Variants in PPT2 observed in about 807,000 individuals in gnomAD.
PPT2 encodes lysosomal thioesterase PPT2.
PPT2 carries 20 observed loss-of-function variants against 37.3 expected under a neutral mutation model. The observed-to-expected ratio is 0.54, with a 90% CI of 0.38 to 0.78. The LOEUF is 0.78. Ranked by LOEUF, PPT2 falls within the 30% of genes least tolerant of loss-of-function variation. The pLI, the probability that PPT2 is intolerant of heterozygous loss-of-function variation, is 0.00. For synonymous variants in PPT2, 135 were observed against 159.1 expected (o/e 0.85, Z 1.14); for missense variants, 270 against 389.8 (o/e 0.69, Z 2.59).
At position 32,154,408 on chromosome 6, in the gene PPT2, C is replaced by G; in HGVS notation, c.-9+4C>G. The G allele has an allele frequency of 6.9e-7, 1 of 1,449,602 alleles. No individual in the cohort carries two copies. The highest frequency in any genetic ancestry group is 9.0e-7 in the Non-Finnish European group (1 of 1,107,650). The allele number at this position is 1,449,602 out of a possible 1,614,324, so 89.8% of individuals were successfully genotyped here. A position where few individuals can be genotyped will look rare whatever the true frequency, so the allele number is the denominator to read the frequency against. ...GCGGGACTTCGGGTGCGCGTTGGTG[C>G]GTCAACGTGGTGGGGGGGTGTGTTT... On this transcript the variant is annotated splice_donor_region_variant and intron_variant, in intron 1 of 8. Transcript: ENST00000324816. This position sits in a 1 kb window ranked among gnomAD's most constrained non-coding sequence, Gnocchi z 7.3.
rs1367906105 is a variant in PPT2 at position 32,155,949 on chromosome 6, A to G, written c.512A>G (p.Gln171Arg). The change falls in exon 5 of 9, where the codon CAG (glutamine) becomes CGG (arginine). Residue 171 changes from glutamine (Q) to arginine (R), a missense_variant. Coordinates refer to ENST00000324816, the MANE Select transcript of PPT2 (RefSeq NM_005155.7). The surrounding 1 kb of genome is among the most constrained non-coding windows in gnomAD (Gnocchi z 4.3). The part of the protein sequence containing the change: ...LYRICYSPWG[Q>R]EFSICNYWHD... ...CGGATCTGCTATAGCCCCTGGGGCC[A>G]GGAATTCTCCATCTGCAACTACTGG... 1 of 1,613,992 alleles carries G rather than the reference A, an allele frequency of 6.2e-7. No homozygotes were observed. Among genetic ancestry groups the G allele is most frequent in the Non-Finnish European group, 8.5e-7 (1 of 1,179,910 alleles).
chr6:32,153,612 TACACGCAC>T, upstream of PPT2: 1 of 1,355,492 alleles, frequency 7.4e-7, no homozygotes, highest in Non-Finnish European at 9.8e-7. The surrounding 1 kb of genome is among the most constrained non-coding windows in gnomAD (Gnocchi z 4.4). Flanking sequence ...ACAAGGGCAC[TACACGCAC>T]TTCAGAATGA....
At chr6:32,153,990 C>T (rs1783536867), upstream of PPT2, 2 of 1,283,700 alleles carry the variant, frequency 1.6e-6, no homozygotes, top group Middle Eastern at 3.0e-4. The surrounding 1 kb of genome is among the most constrained non-coding windows in gnomAD (Gnocchi z 4.4). Context: ...CCGCCTGTTT[C>T]CTCCCCAGCA....
Position 32,154,599 on chromosome 6 carries a change from T to G in PPT2, c.5T>G (p.Leu2Arg), listed in dbSNP as rs1330851503. M[L>R]GLCGQRLPAA... The stretch of plus-strand genomic sequence containing the variant: ...ACCCCTTTCTCAGGCGGGAGCATGC[T>G]GGGGCTCTGCGGGCAGCGGCTCCCC... The change falls in exon 2 of 9, where the codon CTG becomes CGG. Residue 2 changes from leucine to arginine, a missense_variant. Physicochemically the swap from Leu to Arg is moderately radical, Grantham distance 102. Coordinates refer to ENST00000324816, the MANE Select transcript of PPT2 (RefSeq NM_005155.7). The surrounding 1 kb of genome is among the most constrained non-coding windows in gnomAD (Gnocchi z 7.3). 1.2e-6 allele frequency: 2 copies of G among 1,610,770 alleles called. No homozygotes were observed. Among genetic ancestry groups the G allele is most frequent in the South Asian group, 2.2e-5 (2 of 90,896 alleles).
intron 7 of PPT2, among the ~76,000 whole-genome samples, chr6:32,160,420 C>T (rs917532621): frequency 3.3e-5 from 5 of 151,428 alleles, no homozygotes; most frequent in Non-Finnish European, 7.4e-5. Flanking sequence ...CCTATAATCC[C>T]AGCACTTTGG....
At position 32,154,531 on chromosome 6, in the gene PPT2, C is replaced by T; in HGVS notation, c.-8-56C>T. On this transcript the variant is annotated intron_variant, in intron 1 of 8. Transcript: ENST00000324816. The surrounding 1 kb of genome is among the most constrained non-coding windows in gnomAD (Gnocchi z 7.3). ...GTGGCTTGATTGCCGGGCGTCTGTT[C>T]CGAGGGAGGAGGGTGTTGCCATCTC... 1 of 1,547,632 alleles carries T rather than the reference C, an allele frequency of 6.5e-7. No homozygotes were observed. The highest frequency in any genetic ancestry group is 8.8e-7 in the Non-Finnish European group (1 of 1,142,176).
chr6:32,153,837 C>A, upstream of PPT2: 2 of 1,048,306 alleles, frequency 1.9e-6, no homozygotes, highest in South Asian at 1.7e-5. The surrounding 1 kb of genome is among the most constrained non-coding windows in gnomAD (Gnocchi z 4.4). Context: ...AGCCAGACGC[C>A]TGTATTGGGA....
Position 32,154,624 on chromosome 6 carries a change from CG to C in PPT2, c.31del (p.Ala11ArgfsTer58). On this transcript the variant is annotated frameshift_variant, in exon 2 of 9. Coordinates refer to ENST00000324816, the MANE Select transcript of PPT2 (RefSeq NM_005155.7). LOFTEE classifies it high-confidence loss of function. This position sits in a 1 kb window ranked among gnomAD's most constrained non-coding sequence, Gnocchi z 7.3. ...TGGGGCTCTGCGGGCAGCGGCTCCC[CG>C]CGGCGTGGGTCCTGCTTCTGTTGCC... Reference protein sequence around the residue: MLGLCGQRLPAAWVLLLLPFL... With the variant: MLGLCGQRLPXAWVLLLLPFL... 6.2e-7 allele frequency: 1 copy of C among 1,611,996 alleles called. No individual in the cohort carries two copies.
chr6:32,159,472 A>ATATATATATATATATATATATC (rs1465188963), intron 7 of PPT2, among the ~76,000 whole-genome samples: 8 of 127,528 alleles, frequency 6.3e-5, no homozygotes, highest in Non-Finnish European at 1.1e-4. Context: ...ATATATATAT[A>ATATATATATATATATATATATC]TCCTCATCCC....
intron 5 of PPT2, chr6:32,157,163 G>A (rs1242518347): frequency 1.9e-5 from 3 of 158,058 alleles, no homozygotes; most frequent in East Asian, 1.8e-4. Flanking sequence ...CCTGGGTGAC[G>A]GAGTGAGATT....
chr6:32,161,342 G>C (rs1784141579), intron 7 of PPT2, among the ~76,000 whole-genome samples: 1 of 152,132 alleles, frequency 6.6e-6, no homozygotes, highest in Admixed American at 6.5e-5. Flanking sequence ...CCAGGCTGGA[G>C]TGCAATGGCA....
At chr6:32,157,800 C>A (rs1397606867) in intron 6 of PPT2, 40 bp from the exon 7 acceptor site, 1 of 1,591,248 alleles carries the variant, frequency 6.3e-7, no homozygotes, top group Non-Finnish European at 8.6e-7. Context: ...CTGGCCTGAC[C>A]CCTGTGGCTG....
Position 32,155,792 on chromosome 6 carries a change from G to A in PPT2, c.433+9G>A. ...GATGGGACAGTATGGAGGTGAGTGG[G>A]CACTAGACTCCATAGAATGCCCTGA... On this transcript the variant is annotated intron_variant, in intron 4 of 8. Coordinates refer to ENST00000324816, the MANE Select transcript of PPT2 (RefSeq NM_005155.7). The surrounding 1 kb of genome is among the most constrained non-coding windows in gnomAD (Gnocchi z 4.3). 1 of 1,611,592 alleles carries A rather than the reference G, an allele frequency of 6.2e-7. No homozygotes were observed. The highest frequency in any genetic ancestry group is 8.5e-7 in the Non-Finnish European group (1 of 1,177,728).
rs1783785934 is a variant in PPT2, at chr6:32,156,116, T to C, written c.541+138T>C. ...TGAACAGGCTCTGTTCAGAATTTTT[T>C]TTTTTTTTGAGACGGAGTCTTGTTC... On this transcript the variant is annotated intron_variant, in intron 5 of 8. Transcript: ENST00000324816. This position sits in a 1 kb window ranked among gnomAD's most constrained non-coding sequence, Gnocchi z 4.9. 1 of 738,024 alleles carries C rather than the reference T, an allele frequency of 1.4e-6. No homozygotes were observed. Among genetic ancestry groups the C allele is most frequent in the African/African-American group, 1.8e-5 (1 of 56,156 alleles). The allele number at this position is 738,024 out of a possible 1,614,324, so 45.7% of individuals were successfully genotyped here. A position where few individuals can be genotyped will look rare whatever the true frequency, so the allele number is the denominator to read the frequency against.
Position 32,154,867 on chromosome 6 carries a change from G to A in PPT2, c.183+90G>A, listed in dbSNP as rs1783644968. The A allele has an allele frequency of 6.5e-7, 1 of 1,536,534 alleles. No individual in the cohort carries two copies. Among genetic ancestry groups the A allele is most frequent in the Non-Finnish European group, 8.8e-7 (1 of 1,131,456 alleles). ...GGGGAACTGAAAGCCACCCCTCTGG[G>A]CCTGCCCAGTTCCTCAGGGAGCTGG... On this transcript the variant is annotated intron_variant, in intron 2 of 8. Transcript: ENST00000324816. The surrounding 1 kb of genome is among the most constrained non-coding windows in gnomAD (Gnocchi z 7.3).
Position 32,162,731 on chromosome 6 carries a change from G to C in PPT2, c.766-76G>C. ...TTCACCCTGTGGGGAGGAGGTCCAG[G>C]ATCCCAGCAGTAACTCACTTTGTCT... is the stretch of plus-strand genomic sequence containing the variant. On this transcript the variant is annotated intron_variant, in intron 8 of 8. Coordinates refer to ENST00000324816, the MANE Select transcript of PPT2 (RefSeq NM_005155.7). The surrounding 1 kb of genome is among the most constrained non-coding windows in gnomAD (Gnocchi z 5.5). 6.3e-7 allele frequency: 1 copy of C among 1,587,930 alleles called. No individual in the cohort carries two copies. The highest frequency in any genetic ancestry group is 8.6e-7 in the Non-Finnish European group (1 of 1,157,194).
At chr6:32,153,917 T>C, upstream of PPT2, 1 of 1,354,856 alleles carries the variant, frequency 7.4e-7, no homozygotes, top group Non-Finnish European at 9.6e-7. The surrounding 1 kb of genome is among the most constrained non-coding windows in gnomAD (Gnocchi z 4.4). Context: ...GGAGAGGCCT[T>C]CTTTCCATTC....
chr6:32,159,433 C>CAAAA (rs1214191656), intron 7 of PPT2, among the ~76,000 whole-genome samples: 13 of 22,162 alleles, frequency 5.9e-4, no homozygotes, highest in East Asian at 3.7e-3. Context: ...AACTCCATCT[C>CAAAA]AAAAAAAAAA....
chr6:32,158,257 C>A, intron 7 of PPT2: 1 of 285,096 alleles, frequency 3.5e-6, no homozygotes. Flanking sequence ...CCAGTGGTTG[C>A]ATCCTATGTA....
Sources: allele counts gnomAD v4.1 joint callset (sites outside exome capture counted in the v4.1 genomes callset), GRCh38; gene constraint gnomAD v4.1.1; non-coding constraint Gnocchi (gnomAD v3.1); transcripts MANE v1.5; gene names NCBI Gene and HGNC (gene_info 2026-07-23, HGNC 2026-07-21).